Variants in EML1 observed in about 807,000 individuals in gnomAD.
EML1 encodes the protein EMAP like 1, also known as echinoderm microtubule-associated protein-like 1.
A neutral mutation model predicts 110.4 loss-of-function variants in EML1; 27 were observed. The observed-to-expected ratio is 0.24, with a 90% CI of 0.18 to 0.34. EML1 has a LOEUF of 0.34. Among genes scored for constraint, EML1 ranks in the 10% least tolerant of loss-of-function variants. EML1 has a pLI of 1.00. For missense variants in EML1, 741 were observed against 1,030.9 expected, an observed-to-expected ratio of 0.72 and a Z score of 3.85; for synonymous variants, 344 against 385.8, an observed-to-expected ratio of 0.89 and a Z score of 1.27.
intron 3 of EML1, among the ~76,000 whole-genome samples, chr14:99,875,439 A>G (rs1165911193): frequency 6.6e-6 from 1 of 152,192 alleles, no homozygotes; most frequent in Non-Finnish European, 1.5e-5. Flanking sequence ...AGTTTTCATC[A>G]CTGGCACCCC....
At chr14:99,907,585 TC>T (rs1378119976) in intron 9 of EML1, 52 bp from the exon 10 acceptor site, 1 of 1,506,126 alleles carries the variant, frequency 6.6e-7, no homozygotes, top group Non-Finnish European at 9.2e-7. Context: ...TTAATCATGT[TC>T]AACCCACTTT....
chr14:99,798,258 T>C, intron 1 of EML1, among the ~76,000 whole-genome samples: 1 of 151,902 alleles, frequency 6.6e-6, no homozygotes, highest in Admixed American at 6.6e-5. Context: ...TCCTGGTTGC[T>C]TCATCTACAC....
chr14:99,857,574 T>G (rs1178199285), intron 2 of EML1, among the ~76,000 whole-genome samples: 1 of 152,208 alleles, frequency 6.6e-6, no homozygotes, highest in Non-Finnish European at 1.5e-5. Context: ...GAGCGGTCAT[T>G]TCCAGTTGCT....
intron 16 of EML1, 117 bp from the exon 17 acceptor site, chr14:99,920,672 C>G: frequency 8.8e-6 from 7 of 794,444 alleles, no homozygotes; most frequent in South Asian, 6.7e-5. Context: ...TCTTATTAAG[C>G]AAATTCTGAG....
chr14:99,800,406 C>T (rs2057853395), intron 1 of EML1, among the ~76,000 whole-genome samples: 1 of 151,788 alleles, frequency 6.6e-6, no homozygotes, highest in Non-Finnish European at 1.5e-5. Context: ...CTCTGTTGCC[C>T]AGGTTGGAGT....
chr14:99,859,884 G>A (rs1026792569), intron 2 of EML1, among the ~76,000 whole-genome samples: 4 of 152,182 alleles, frequency 2.6e-5, no homozygotes, highest in African/African-American at 4.8e-5. Flanking sequence ...TTATTGTCGG[G>A]ATGTAGCCAG....
chr14:99,743,002 G>T (rs192180288), intron 1 of EML1, among the ~76,000 whole-genome samples: 131 of 152,288 alleles, frequency 8.6e-4, no homozygotes, highest in African/African-American at 2.8e-3. Context: ...GACCTCTCAC[G>T]AGAGGCTGGG....
intron 1 of EML1, among the ~76,000 whole-genome samples, chr14:99,810,075 C>A (rs557542205): frequency 6.6e-6 from 1 of 152,254 alleles, no homozygotes; most frequent in South Asian, 2.1e-4. Context: ...CTTGTATCTG[C>A]GGACACTCCC....
Position 99,757,296 on chromosome 14 carries a change from G to A in EML1, c.28+19436G>A, listed in dbSNP as rs1010023214. On this transcript the variant is annotated intron_variant, in intron 1 of 10. Coordinates refer to the EML1 transcript ENST00000554479. Reference sequence around the variant, plus strand: ...GGAGGTTGCAGTGAGCGAAGATCGCGCCATTGCACTCCAGCCTGGGCGACA... The same window carrying A: ...GGAGGTTGCAGTGAGCGAAGATCGCACCATTGCACTCCAGCCTGGGCGACA... 1.1e-4 allele frequency among the ~76,000 whole-genome samples: 17 copies of A among 149,920 alleles called. No homozygotes were observed. In the South Asian group the frequency reaches 1.7e-3, roughly 15 times the overall value.
chr14:99,927,068 A>G (rs1331338278), intron 17 of EML1, among the ~76,000 whole-genome samples: 1 of 152,208 alleles, frequency 6.6e-6, no homozygotes, highest in Non-Finnish European at 1.5e-5. Context: ...TTTTAATATA[A>G]CCACAGTATC....
chr14:99,914,479 A>C (rs902627494), intron 14 of EML1, 87 bp from the exon 15 acceptor site: 2 of 1,534,702 alleles, frequency 1.3e-6, no homozygotes, highest in Non-Finnish European at 1.7e-6. Flanking sequence ...TGAAGTCAGC[A>C]TGAAGCCTCG....
intron 1 of EML1, among the ~76,000 whole-genome samples, chr14:99,757,368 T>C (rs973968962): frequency 1.3e-5 from 2 of 151,182 alleles, no homozygotes; most frequent in African/African-American, 2.4e-5. Flanking sequence ...TTGTTAAAAA[T>C]TTCAAGACTG....
At chr14:99,748,315 G>T (rs975482016) in intron 1 of EML1, among the ~76,000 whole-genome samples, 2 of 152,208 alleles carry the variant, frequency 1.3e-5, no homozygotes, top group Non-Finnish European at 2.9e-5. Context: ...TATGTGGGGT[G>T]AGTGGTACTC....
chr14:99,934,433 C>T (rs2060430862), intron 17 of EML1, among the ~76,000 whole-genome samples: 1 of 152,348 alleles, frequency 6.6e-6, no homozygotes, highest in African/African-American at 2.4e-5. Flanking sequence ...CCAACACTTC[C>T]TAAAATACCA....
intron 17 of EML1, among the ~76,000 whole-genome samples, chr14:99,929,222 C>G (rs1366304790): frequency 6.6e-6 from 1 of 152,206 alleles, no homozygotes; most frequent in Non-Finnish European, 1.5e-5. Context: ...AAGCCCTAAG[C>G]CAGGGCCGGG....
chr14:99,773,643 TC>T (rs1341920758), exon 1 of EML1: 1 of 152,184 alleles, frequency 6.6e-6, no homozygotes, highest in Non-Finnish European at 1.5e-5. Flanking sequence ...ACTGCAGCCG[TC>T]CCCCTGGGGC....
chr14:99,806,036 TATCTC>T (rs1245516095), intron 1 of EML1, among the ~76,000 whole-genome samples: 21 of 152,320 alleles, frequency 1.4e-4, no homozygotes, highest in African/African-American at 5.1e-4. Flanking sequence ...CTACTTTAGA[TATCTC>T]ATGTAAGTGG....
chr14:99,930,620 T>C (rs2060350750), intron 17 of EML1, among the ~76,000 whole-genome samples: 1 of 152,216 alleles, frequency 6.6e-6, no homozygotes. Context: ...AAATGCCAGC[T>C]CCCTCAGGCT....
rs1181641356 is a variant in EML1, at chr14:99,863,041, G to A, written c.251-2473G>A. On this transcript the variant is annotated intron_variant, in intron 2 of 21. Transcript: ENST00000262233. ...CTCTAGTGGCACATGGTTCATTCCC[G>A]CCATCTGCCCTTGCTTATCCATCAC... Among the ~76,000 whole-genome samples, 3 of 152,152 alleles carry A rather than the reference G, an allele frequency of 2.0e-5. No homozygotes were observed. The East Asian group carries it at 5.8e-4, about 29-fold the overall frequency.
Sources: gnomAD v4.1 joint callset for allele counts (sites outside exome capture counted in the v4.1 genomes callset) on GRCh38, gnomAD v4.1.1 for gene constraint, MANE v1.5 for transcripts, NCBI Gene and HGNC (gene_info 2026-07-23, HGNC 2026-07-21) for gene names.